MAFG: variants seen among roughly 807,000 people sequenced by gnomAD.
MAFG encodes transcription factor MafG.
MAFG carries 3 observed loss-of-function variants against 12.2 expected under a neutral mutation model. The observed-to-expected ratio is 0.25, with a 90% confidence interval of 0.11 to 0.64. The LOEUF (loss-of-function observed/expected upper bound fraction) is 0.64, where lower values mean the gene tolerates loss of function less well. MAFG is among the 30% of genes least tolerant of loss of function. MAFG has a pLI of 0.85. For missense variants in MAFG, 153 were observed against 235.5 expected (o/e 0.65, Z 2.29); for synonymous variants, 126 against 109.1 (o/e 1.15, Z -0.96).
upstream of MAFG, chr17:81,929,678 G>A (rs2040969530): frequency 6.6e-6 from 1 of 152,536 alleles, no homozygotes; most frequent in Non-Finnish European, 1.5e-5. This position sits in a 1 kb window ranked among gnomAD's most constrained non-coding sequence, Gnocchi z 5.7. Context: ...GATACTGCGA[G>A]AGAGGCCCAC....
chr17:81,924,716 C>G lies in MAFG; in HGVS notation c.-29-1502G>C, dbSNP rs967158649. Among the ~76,000 whole-genome samples, 1 of 152,196 alleles carries G rather than the reference C, an allele frequency of 6.6e-6. No homozygotes were observed. The highest frequency in any genetic ancestry group is 2.4e-5 in the African/African-American group (1 of 41,448). ...AGATAAAGGATGGGGAAGACCTGAG[C>G]TGGAGGTCAGAAGGCCCACAGGAGC... On this transcript the variant is annotated intron_variant, in intron 1 of 2. Coordinates refer to ENST00000357736, the MANE Select transcript of MAFG (RefSeq NM_002359.4). This position sits in a 1 kb window ranked among gnomAD's most constrained non-coding sequence, Gnocchi z 4.7.
rs1342505195 is a variant in MAFG, at chr17:81,919,271, T to G, written c.*3334A>C. ...GATGTGGATGGGCGCTTTGGCCAAG[T>G]GGCCACTCCAGAGGGAGGCAGCAGG... is the stretch of plus-strand genomic sequence containing the variant. On this transcript the variant is annotated 3_prime_UTR_variant, in exon 3 of 3. Transcript: ENST00000357736. The G allele has an allele frequency of 2.0e-5, 3 of 152,228 alleles. No individual in the cohort carries two copies. The highest frequency in any genetic ancestry group is 1.5e-5 in the Non-Finnish European group (1 of 68,046). The allele number at this position is 152,228 out of a possible 1,614,324, so 9.4% of individuals were successfully genotyped here.
intron 1 of MAFG, among the ~76,000 whole-genome samples, chr17:81,925,355 T>G (rs2040930805): frequency 6.6e-6 from 1 of 152,120 alleles, no homozygotes; most frequent in Non-Finnish European, 1.5e-5. Context: ...AAGTAGAAAC[T>G]CCCGTGCCTG....
chr17:81,923,275 C>CG (rs1555620272), intron 1 of MAFG, 61 bp from the exon 2 acceptor site: 16 of 966,572 alleles, frequency 1.7e-5, no homozygotes, highest in East Asian at 3.9e-5. Flanking sequence ...CCCCCCCCCC[C>CG]GCCCCCGGCC....
rs753192299 is a variant in MAFG at position 81,925,807 on chromosome 17, CA to C, written c.-30+1720del. ...TGGGCAAAAGAGTGAGACTCCGTCT[CA>C]AAAAAAAAAAAAAAAAAAGATGTAC... On this transcript the variant is annotated intron_variant, in intron 1 of 2. Transcript: ENST00000357736. 9.9e-3 allele frequency among the ~76,000 whole-genome samples: 468 copies of C among 47,274 alleles called. 3 individuals are homozygous for C. The highest frequency in any genetic ancestry group is 0.083 in the South Asian group (133 of 1,610). 31.0% of individuals were successfully genotyped at this position (47,274 alleles called of 152,430 possible).
At position 81,920,093 on chromosome 17, in the gene MAFG, C is replaced by G. The variant is rs1567912897; in HGVS notation, c.*2512G>C. 2 of 152,336 alleles carry G rather than the reference C, an allele frequency of 1.3e-5. No homozygotes were observed. The highest frequency in any genetic ancestry group is 3.9e-4 in the East Asian group (2 of 5,184). 9.4% of individuals were successfully genotyped at this position (152,336 alleles called of 1,614,324 possible). A position where few individuals can be genotyped will look rare whatever the true frequency, so the allele number is the denominator to read the frequency against. On this transcript the variant is annotated 3_prime_UTR_variant, in exon 3 of 3. Transcript: ENST00000357736. ...GACAAGGAGGGCCTGTTTCTCCCCA[C>G]TCCGAGGCAGATCATGACGTTTTCT...
At chr17:81,925,700 C>T (rs939760619) in intron 1 of MAFG, among the ~76,000 whole-genome samples, 3 of 148,874 alleles carry the variant, frequency 2.0e-5, no homozygotes, top group Non-Finnish European at 3.0e-5. Flanking sequence ...CCCAGCTACT[C>T]GGGAGGCTGA....
chr17:81,929,452 G>A (rs1392382350), upstream of MAFG: 1 of 152,302 alleles, frequency 6.6e-6, no homozygotes, highest in East Asian at 1.9e-4. This position sits in a 1 kb window ranked among gnomAD's most constrained non-coding sequence, Gnocchi z 5.7. Context: ...CAAACCCCTA[G>A]GACCTGTCTC....
rs2040858328 is a variant in MAFG at position 81,918,946 on chromosome 17, T to G, written c.*3659A>C. ...GCTCCAGGGGCAGGGTGGAAATGTG[T>G]GGGACTGGCCCAGCAGGTATGGTAC... On this transcript the variant is annotated 3_prime_UTR_variant, in exon 3 of 3. Coordinates refer to ENST00000357736, the MANE Select transcript of MAFG (RefSeq NM_002359.4). 1 of 152,318 alleles carries G rather than the reference T, an allele frequency of 6.6e-6. No homozygotes were observed. Among genetic ancestry groups the G allele is most frequent in the South Asian group, 2.1e-4 (1 of 4,828 alleles). The allele number at this position is 152,318 out of a possible 1,614,324, so 9.4% of individuals were successfully genotyped here.
chr17:81,923,571 T>G, intron 1 of MAFG: 1 of 175,342 alleles, frequency 5.7e-6, no homozygotes, highest in Non-Finnish European at 1.2e-5. Context: ...GCTTTAAAAA[T>G]AACCCCGGCA....
Position 81,922,690 on chromosome 17 carries a change from G to C in MAFG, c.404C>G (p.Ala135Gly). 1.3e-6 allele frequency: 2 copies of C among 1,507,726 alleles called. No homozygotes were observed. 93.4% of individuals were successfully genotyped at this position (1,507,726 alleles called of 1,614,324 possible). Reference protein sequence around the residue: ...PVAPARGPLAAGLGPLVPGKV... With the variant: ...PVAPARGPLAGGLGPLVPGKV... The stretch of plus-strand genomic sequence containing the variant: ...GCCTGGGACGAGGGGCCCCAGGCCG[G>C]CGGCAAGGGGGCCCCGGGCTGGCGC... Residue 135 changes from alanine (A) to glycine (G), a missense_variant, in exon 3 of 3, where the codon GCC (alanine) becomes GGC (glycine). Ala to Gly is a moderately conservative substitution (Grantham distance 60, BLOSUM62 0). Around this residue, in one of 3 missense-constraint regions of MAFG, gnomAD observed 81 missense variants for 94.7 expected, o/e 0.86. Coordinates refer to ENST00000357736, the MANE Select transcript of MAFG (RefSeq NM_002359.4).
chr17:81,923,710 G>GC (rs988816340), intron 1 of MAFG, among the ~76,000 whole-genome samples: 39 of 152,074 alleles, frequency 2.6e-4, no homozygotes, highest in African/African-American at 9.4e-4. Context: ...CCCCAGCCTG[G>GC]CCAATAGCAG....
In MAFG at chr17:81,925,516, A is replaced by T. The variant is rs182905129; in HGVS notation, c.-30+2012T>A. ...CACTGATGCATAAGTGACTGAGAAG[A>T]TGTACATAAATGGGCCGCGCGGTGG... On this transcript the variant is annotated intron_variant, in intron 1 of 2. Transcript: ENST00000357736. Among the ~76,000 whole-genome samples, 148 of 152,334 alleles carry T rather than the reference A, an allele frequency of 9.7e-4. 1 individual carries two copies. The highest frequency in any genetic ancestry group is 2.1e-4 in the Non-Finnish European group (14 of 68,026).
At chr17:81,923,489 G>T (rs938506691) in intron 1 of MAFG, 8 of 368,486 alleles carry the variant, frequency 2.2e-5, no homozygotes, top group Admixed American at 8.5e-5. Flanking sequence ...GAAGGCAGGC[G>T]CAAGACAAGG....
chr17:81,923,990 C>G (rs1468159096), intron 1 of MAFG: 4 of 152,366 alleles, frequency 2.6e-5, no homozygotes, highest in African/African-American at 7.2e-5. Context: ...AGGCCATCAG[C>G]TGGGAGGAGC....
chr17:81,922,521 G>A lies in MAFG; in HGVS notation c.*84C>T. 5 of 1,073,022 alleles carry A rather than the reference G, an allele frequency of 4.7e-6. No individual in the cohort carries two copies. Among genetic ancestry groups the A allele is most frequent in the Non-Finnish European group, 6.3e-6 (5 of 787,506 alleles). The allele number at this position is 1,073,022 out of a possible 1,614,324, so 66.5% of individuals were successfully genotyped here. On this transcript the variant is annotated 3_prime_UTR_variant, in exon 3 of 3. Coordinates refer to ENST00000357736, the MANE Select transcript of MAFG (RefSeq NM_002359.4). Reference sequence around the variant, plus strand: ...TGGGGAAGAGAGGGAGGAAAGAGAAGAGAAGGAAACAGAGGGACAGGGCAG... The same window carrying A: ...TGGGGAAGAGAGGGAGGAAAGAGAAAAGAAGGAAACAGAGGGACAGGGCAG...
Position 81,922,009 on chromosome 17 carries a change from G to A in MAFG, c.*596C>T, listed in dbSNP as rs910155360. On this transcript the variant is annotated 3_prime_UTR_variant, in exon 3 of 3. Transcript: ENST00000357736. Reference sequence around the variant, plus strand: ...GAGATTTGGTCTTGTTCAGTGCAACGGGTCAGGCCTGAGTGCACAGCCCCT... The same window carrying A: ...GAGATTTGGTCTTGTTCAGTGCAACAGGTCAGGCCTGAGTGCACAGCCCCT... The A allele has an allele frequency of 6.6e-5, 10 of 152,186 alleles. No homozygotes were observed. The highest frequency in any genetic ancestry group is 1.3e-4 in the Non-Finnish European group (9 of 68,048). The allele number at this position is 152,186 out of a possible 1,614,324, so 9.4% of individuals were successfully genotyped here.
In MAFG at chr17:81,927,222, T is replaced by A. The variant is rs1306142872; in HGVS notation, c.-30+306A>T. On this transcript the variant is annotated intron_variant, in intron 1 of 2. Transcript: ENST00000357736. ...CCTCCCGCCGTCCAGTGCCCCTCCC[T>A]CCAGGACGCCCGGGTCTCCGAGTCC... 2.0e-5 allele frequency among the ~76,000 whole-genome samples: 3 copies of A among 149,766 alleles called. No homozygotes were observed. In the East Asian group the frequency reaches 6.1e-4, roughly 30 times the overall value.
Position 81,923,191 on chromosome 17 carries a change from G to A in MAFG, c.-6C>T, listed in dbSNP as rs368298475. 9.8e-5 allele frequency: 157 copies of A among 1,600,084 alleles called. 1 individual carries two copies. Among genetic ancestry groups the A allele is most frequent in the Non-Finnish European group, 4.1e-5 (48 of 1,172,840 alleles). ...CCTTTATTGGGGGTCGTCATAACCC[G>A]GGGGCACAGCGAGCAGGCGCTCTCT... On this transcript the variant is annotated 5_prime_UTR_variant, in exon 2 of 3. Coordinates refer to ENST00000357736, the MANE Select transcript of MAFG (RefSeq NM_002359.4).
Sources: gnomAD v4.1 joint callset for allele counts (sites outside exome capture counted in the v4.1 genomes callset) on GRCh38, gnomAD v4.1.1 for gene constraint, gnomAD v4.1.1 regional missense constraint, Gnocchi (gnomAD v3.1) non-coding constraint, MANE v1.5 for transcripts, NCBI Gene and HGNC (gene_info 2026-07-23, HGNC 2026-07-21) for gene names.